Variants in TFDP1 observed in about 807,000 individuals in gnomAD.
The protein encoded by TFDP1 is transcription factor Dp-1, also known as DRTF1-polypeptide 1.
In TFDP1, 6 loss-of-function variants were observed where a neutral mutation model predicts 48.0. That is an observed-to-expected ratio of 0.13 (90% confidence interval 0.07 to 0.25). The LOEUF (loss-of-function observed/expected upper bound fraction) is 0.25. Ranked by LOEUF, TFDP1 falls within the 10% of genes least tolerant of loss-of-function variation. The probability of loss-of-function intolerance (pLI) is 1.00; values close to 1 mark genes in which losing one functional copy is unlikely to be tolerated. For missense variants in TFDP1, 335 were observed against 543.0 expected (o/e 0.62, Z 3.81); for synonymous variants, 201 against 211.6 (o/e 0.95, Z 0.44).
rs768399033 is a variant in TFDP1, at chr13:113,633,274, C to A, written c.463C>A (p.Pro155Thr). Reference protein sequence around the residue: ...EFSAADNHILPNESAYDQKNI... With the variant: ...EFSAADNHILTNESAYDQKNI... ...CAGTGCTGCCGACAACCACATCTTA[C>A]CAAACGAGTCAGTAAGTGTGTGCCG... Residue 155 changes from proline (P) to threonine (T), a missense_variant, in exon 6 of 12, where the codon CCA becomes ACA. Pro to Thr is a conservative substitution (Grantham distance 38). This residue lies in a region of TFDP1 where 28 missense variants were observed against 115.5 expected (regional missense o/e 0.24). Coordinates refer to ENST00000375370, the MANE Select transcript of TFDP1 (RefSeq NM_007111.5). This position sits in a 1 kb window ranked among gnomAD's most constrained non-coding sequence, Gnocchi z 4.5. 1 of 1,613,496 alleles carries A rather than the reference C, an allele frequency of 6.2e-7. No homozygotes were observed. Among genetic ancestry groups the A allele is most frequent in the Non-Finnish European group, 8.5e-7 (1 of 1,179,564 alleles).
chr13:113,593,895 A>G (rs1403819421), intron 2 of TFDP1, among the ~76,000 whole-genome samples: 2 of 141,104 alleles, frequency 1.4e-5, no homozygotes, highest in African/African-American at 2.7e-5. Context: ...TGTCCAGGTG[A>G]CAGGTGTGGT....
intron 2 of TFDP1, among the ~76,000 whole-genome samples, chr13:113,597,782 C>T (rs1184314271): frequency 2.0e-5 from 3 of 152,234 alleles, no homozygotes; most frequent in Non-Finnish European, 4.4e-5. Flanking sequence ...CGGCCATTGC[C>T]GTGTGTCCAA....
chr13:113,620,459 G>C (rs1431964159), intron 3 of TFDP1, among the ~76,000 whole-genome samples: 4 of 152,254 alleles, frequency 2.6e-5, no homozygotes, highest in Non-Finnish European at 5.9e-5. Flanking sequence ...TGAAATTAGA[G>C]ACTCGTTTGC....
At chr13:113,613,741 TGTGTGTATGC>T (rs2048775450) in intron 3 of TFDP1, among the ~76,000 whole-genome samples, 3 of 48,584 alleles carry the variant, frequency 6.2e-5, no homozygotes, top group Admixed American at 2.4e-4. Flanking sequence ...TGAGTGTGTC[TGTGTGTATGC>T]GTGAATGCGT....
intron 2 of TFDP1, among the ~76,000 whole-genome samples, chr13:113,606,410 C>A (rs1362481950): frequency 6.6e-6 from 1 of 152,192 alleles, no homozygotes; most frequent in Non-Finnish European, 1.5e-5. Flanking sequence ...AGAACCACTT[C>A]TTGGCTGGTA....
chr13:113,614,189 ATG>A (rs985462281), intron 3 of TFDP1, among the ~76,000 whole-genome samples: 5 of 149,254 alleles, frequency 3.3e-5, no homozygotes, highest in African/African-American at 1.2e-4. Context: ...AATGAGTTGT[ATG>A]TGTGTGTTGT....
intron 9 of TFDP1, among the ~76,000 whole-genome samples, 154 bp downstream of exon 9, chr13:113,636,282 G>A (rs1057199325): frequency 2.0e-4 from 30 of 152,368 alleles, no homozygotes; most frequent in African/African-American, 5.3e-4. Flanking sequence ...GGAGGCTGCC[G>A]CCATGTGGCA....
chr13:113,619,966 T>C (rs1594488896), intron 3 of TFDP1, among the ~76,000 whole-genome samples: 2 of 152,288 alleles, frequency 1.3e-5, no homozygotes, highest in East Asian at 3.9e-4. Flanking sequence ...GGGCCCTGGA[T>C]GTCTGCCTGC....
At position 113,636,105 on chromosome 13, in the gene TFDP1, C is replaced by A; in HGVS notation, c.816C>A (p.Ile272=). ...IIVNTSKKTV[I]DCSISNDKFE... is the part of the protein sequence containing the mutation. ...TCAACACCAGCAAGAAGACGGTCAT[C>A]GACTGCAGCATCTCCAATGACAAGT... Residue 272 remains isoleucine (I), a synonymous_variant, in exon 9 of 12, where the codon ATC becomes ATA. Coordinates refer to ENST00000375370, the MANE Select transcript of TFDP1 (RefSeq NM_007111.5). 1 of 1,614,206 alleles carries A rather than the reference C, an allele frequency of 6.2e-7. No individual in the cohort carries two copies. Among genetic ancestry groups the A allele is most frequent in the Non-Finnish European group, 8.5e-7 (1 of 1,180,028 alleles).
chr13:113,599,808 A>C (rs1445718388), intron 2 of TFDP1, among the ~76,000 whole-genome samples: 1 of 151,216 alleles, frequency 6.6e-6, no homozygotes, highest in African/African-American at 2.4e-5. Context: ...GAGAGAACCC[A>C]GGACCGTGAG....
At chr13:113,635,862 C>G in intron 8 of TFDP1, 115 bp from the exon 9 acceptor site, 1 of 1,261,786 alleles carries the variant, frequency 7.9e-7, no homozygotes, top group Non-Finnish European at 1.1e-6. Context: ...TTTCAGATGT[C>G]CAGGCCAACT....
intron 2 of TFDP1, among the ~76,000 whole-genome samples, chr13:113,606,794 G>A (rs2048581743): frequency 1.3e-5 from 2 of 152,180 alleles, no homozygotes; most frequent in Admixed American, 1.3e-4. Context: ...GACACACATT[G>A]TATTATGAAA....
At chr13:113,590,355 AG>A (rs1393311174) in intron 2 of TFDP1, among the ~76,000 whole-genome samples, 1 of 152,200 alleles carries the variant, frequency 6.6e-6, no homozygotes. Context: ...GCTAATGCCA[AG>A]AGGGGACCAA....
At chr13:113,629,970 G>A (rs978905807) in intron 4 of TFDP1, among the ~76,000 whole-genome samples, 2 of 152,220 alleles carry the variant, frequency 1.3e-5, no homozygotes, top group African/African-American at 2.4e-5. Context: ...TGGTATGCGC[G>A]GAGCCAGCCA....
chr13:113,612,143 C>T (rs1356166990), intron 3 of TFDP1, among the ~76,000 whole-genome samples: 2 of 152,240 alleles, frequency 1.3e-5, no homozygotes, highest in Admixed American at 1.3e-4. Context: ...GAGGCTTGGC[C>T]TTGCCACCCG....
At position 113,584,893 on chromosome 13, in the gene TFDP1, G is replaced by C. The variant is rs1192508180; in HGVS notation, c.-65+5G>C. 3 of 146,120 alleles carry C rather than the reference G, an allele frequency of 2.1e-5. No homozygotes were observed. Among genetic ancestry groups the C allele is most frequent in the Non-Finnish European group, 1.5e-5 (1 of 65,800 alleles). The allele number at this position is 146,120 out of a possible 1,614,324, so 9.1% of individuals were successfully genotyped here. ...GCGGCCGGACCGGGCAGCCAGGTGC[G>C]GGTGGGCAGGGGATGCCGCGGGAGC... On this transcript the variant is annotated splice_donor_5th_base_variant and intron_variant, in intron 1 of 11. Transcript: ENST00000375370.
Position 113,612,177 on chromosome 13 carries a change from C to T in TFDP1, c.79+1115C>T, listed in dbSNP as rs4150741. Among the ~76,000 whole-genome samples, 9 of 152,298 alleles carry T rather than the reference C, an allele frequency of 5.9e-5. No homozygotes were observed. In the South Asian group the frequency reaches 8.3e-4, roughly 14 times the overall value. ...CGTCCCTTTCTGTCCAGTGCTGGTGCGGGCGCCCATGGTGCCATCTGCCTC... is the reference window on the plus strand; with the variant it reads ...CGTCCCTTTCTGTCCAGTGCTGGTGTGGGCGCCCATGGTGCCATCTGCCTC... On this transcript the variant is annotated intron_variant, in intron 3 of 11. Coordinates refer to ENST00000375370, the MANE Select transcript of TFDP1 (RefSeq NM_007111.5).
At chr13:113,629,058 C>T (rs866806740) in intron 4 of TFDP1, among the ~76,000 whole-genome samples, 18 of 152,212 alleles carry the variant, frequency 1.2e-4, no homozygotes, top group Admixed American at 7.2e-4. Context: ...GGCTCCAGGC[C>T]GCCCCTGTGA....
chr13:113,640,570 T>A lies in TFDP1; in HGVS notation c.*303T>A. 3.4e-6 allele frequency: 1 copy of A among 297,958 alleles called. No homozygotes were observed. The highest frequency in any genetic ancestry group is 3.1e-5 in the South Asian group (1 of 32,412). The allele number at this position is 297,958 out of a possible 1,614,324, so 18.5% of individuals were successfully genotyped here. A position where few individuals can be genotyped will look rare whatever the true frequency, so the allele number is the denominator to read the frequency against. The stretch of plus-strand genomic sequence containing the variant: ...ATTTTTGCCCCTGAAAAGTTTTTGC[T>A]GAGTTTGCTGAAGAAATTGTATTTC... On this transcript the variant is annotated 3_prime_UTR_variant, in exon 12 of 12. Transcript: ENST00000375370.
Sources: gnomAD v4.1 joint callset for allele counts (sites outside exome capture counted in the v4.1 genomes callset) on GRCh38, gnomAD v4.1.1 for gene constraint, gnomAD v4.1.1 regional missense constraint, Gnocchi (gnomAD v3.1) non-coding constraint, MANE v1.5 for transcripts, NCBI Gene and HGNC (gene_info 2026-07-23, HGNC 2026-07-21) for gene names.